The following MACROD2 variants were observed in gnomAD, a reference collection of about 807,000 sequenced individuals.
MACROD2 encodes the protein mono-ADP ribosylhydrolase 2.
Under a neutral mutation model 70.4 loss-of-function variants are expected in MACROD2, and 36 were observed. The ratio of observed to expected loss-of-function variants is 0.51; its 90% CI spans 0.39 to 0.68. The LOEUF (loss-of-function observed/expected upper bound fraction) is 0.68. MACROD2 is among the 30% of genes least tolerant of loss of function. The pLI, the probability that MACROD2 is intolerant of heterozygous loss-of-function variation, is 0.00. For synonymous variants in MACROD2, 172 were observed against 178.8 expected (o/e 0.96, Z 0.30); for missense variants, 496 against 538.4 (o/e 0.92, Z 0.78).
chr20:14,729,351 A>T (rs1022000821), intron 5 of MACROD2, among the ~76,000 whole-genome samples: 1 of 152,218 alleles, frequency 6.6e-6, no homozygotes, highest in African/African-American at 2.4e-5. Context: ...CAATCCTTTT[A>T]TCACGCATGA....
chr20:15,455,746 T>G (rs558020498), intron 7 of MACROD2, among the ~76,000 whole-genome samples: 2 of 152,152 alleles, frequency 1.3e-5, no homozygotes, highest in Non-Finnish European at 2.9e-5. Flanking sequence ...AGATTCACTT[T>G]CATTACCCAT....
chr20:15,438,509 C>A (rs1176631283), intron 7 of MACROD2, among the ~76,000 whole-genome samples: 1 of 152,014 alleles, frequency 6.6e-6, no homozygotes, highest in Non-Finnish European at 1.5e-5. Context: ...TGTCCTTTGC[C>A]CACTTTATAA....
At chr20:15,672,122 C>T (rs891735579) in intron 8 of MACROD2, among the ~76,000 whole-genome samples, 2 of 152,116 alleles carry the variant, frequency 1.3e-5, no homozygotes, top group Admixed American at 1.3e-4. Context: ...CGACATGAAG[C>T]TGAGTCTCCT....
At chr20:15,355,935 A>G (rs560920987) in intron 6 of MACROD2, among the ~76,000 whole-genome samples, 2 of 152,340 alleles carry the variant, frequency 1.3e-5, no homozygotes, top group East Asian at 3.9e-4. Context: ...ACTGGGTTCT[A>G]ACTCTGTTCT....
intron 7 of MACROD2, among the ~76,000 whole-genome samples, chr20:15,442,658 G>T (rs1454112538): frequency 2.6e-5 from 4 of 151,970 alleles, no homozygotes; most frequent in African/African-American, 4.8e-5. Context: ...CTAGCTTGGG[G>T]TCTACACATC....
intron 10 of MACROD2, among the ~76,000 whole-genome samples, chr20:15,896,112 C>A (rs911124007): frequency 1.3e-5 from 2 of 152,184 alleles, no homozygotes; most frequent in Admixed American, 6.5e-5. Flanking sequence ...GATCATTACT[C>A]TCCTCTCTAG....
At chr20:14,483,321 A>G (rs921110057) in intron 3 of MACROD2, among the ~76,000 whole-genome samples, 1 of 152,196 alleles carries the variant, frequency 6.6e-6, no homozygotes, top group Non-Finnish European at 1.5e-5. Context: ...TATTGAGCTG[A>G]AGTATTCTTA....
chr20:15,168,142 G>T (rs948630447), intron 5 of MACROD2, among the ~76,000 whole-genome samples: 2 of 152,124 alleles, frequency 1.3e-5, no homozygotes, highest in Non-Finnish European at 2.9e-5. Context: ...AAAGCTCCTT[G>T]CTCAAAGCCT....
At chr20:15,087,938 A>T (rs989119996) in intron 5 of MACROD2, among the ~76,000 whole-genome samples, 4 of 152,020 alleles carry the variant, frequency 2.6e-5, no homozygotes, top group African/African-American at 7.2e-5. Flanking sequence ...AGTAAAGCAA[A>T]TTCAAATAAA....
At chr20:15,038,911 A>G (rs1178472892) in intron 5 of MACROD2, among the ~76,000 whole-genome samples, 2 of 152,224 alleles carry the variant, frequency 1.3e-5, no homozygotes, top group Non-Finnish European at 2.9e-5. Flanking sequence ...ATATACCGGC[A>G]AAGAATGTCA....
intron 10 of MACROD2, among the ~76,000 whole-genome samples, chr20:15,928,142 T>A (rs953931272): frequency 6.6e-6 from 1 of 152,228 alleles, no homozygotes; most frequent in Admixed American, 6.5e-5. Flanking sequence ...AAGAATGTCC[T>A]TGTTTGTAGA....
chr20:15,914,584 A>G (rs2065285245), intron 10 of MACROD2, among the ~76,000 whole-genome samples: 2 of 152,202 alleles, frequency 1.3e-5, no homozygotes, highest in Non-Finnish European at 2.9e-5. Context: ...CGTAAGGACT[A>G]CCACTACTAT....
At chr20:15,847,094 A>G (rs370090446) in intron 8 of MACROD2, among the ~76,000 whole-genome samples, 272 of 152,280 alleles carry the variant, frequency 1.8e-3, no homozygotes, top group African/African-American at 6.3e-3. Flanking sequence ...AAGTTTTTCA[A>G]TGAATACATC....
At chr20:14,581,078 T>A (rs78409303) in intron 4 of MACROD2, among the ~76,000 whole-genome samples, 1 of 152,180 alleles carries the variant, frequency 6.6e-6, no homozygotes, top group African/African-American at 2.4e-5. Flanking sequence ...TATGAGACTC[T>A]TTTTGAAATC....
intron 5 of MACROD2, among the ~76,000 whole-genome samples, chr20:14,968,596 C>A (rs545513204): frequency 6.6e-6 from 1 of 152,324 alleles, no homozygotes; most frequent in East Asian, 1.9e-4. Context: ...ATGCAAACTT[C>A]AGCATGCATT....
intron 3 of MACROD2, among the ~76,000 whole-genome samples, chr20:14,468,857 C>G (rs1282987382): frequency 6.6e-6 from 1 of 152,094 alleles, no homozygotes; most frequent in South Asian, 2.1e-4. Context: ...CTCCTGAATA[C>G]AGCACCCCGA....
intron 3 of MACROD2, among the ~76,000 whole-genome samples, chr20:14,485,825 A>G (rs1248157415): frequency 1.3e-5 from 2 of 150,778 alleles, no homozygotes; most frequent in Non-Finnish European, 3.0e-5. Context: ...GTATTATTTT[A>G]TATTTTATAT....
intron 3 of MACROD2, among the ~76,000 whole-genome samples, chr20:14,094,629 C>T (rs2054198023): frequency 6.6e-6 from 1 of 152,136 alleles, no homozygotes; most frequent in South Asian, 2.1e-4. Flanking sequence ...GCTATACAGC[C>T]ATAACCTTCA....
chr20:15,415,264 G>A (rs1244401540), intron 6 of MACROD2, among the ~76,000 whole-genome samples: 1 of 152,196 alleles, frequency 6.6e-6, no homozygotes, highest in Non-Finnish European at 1.5e-5. Flanking sequence ...CATTTTGTAG[G>A]GTGGGGAAAT....
Sources: gnomAD v4.1 joint callset for allele counts (sites outside exome capture counted in the v4.1 genomes callset) on GRCh38, gnomAD v4.1.1 for gene constraint, MANE v1.5 for transcripts, NCBI Gene and HGNC (gene_info 2026-07-23, HGNC 2026-07-21) for gene names.